Variants in ZNF813 observed in about 807,000 individuals in gnomAD.
ZNF813 encodes the protein zinc finger protein 813.
Under a neutral mutation model 7.2 loss-of-function variants are expected in ZNF813, and 3 were observed. The observed-to-expected ratio is 0.42, with a 90% CI of 0.19 to 1.08. ZNF813 has a LOEUF of 1.08. ZNF813 is among the 50% of genes least tolerant of loss of function. ZNF813 has a pLI of 0.30. For missense variants in ZNF813, 714 were observed against 753.3 expected (o/e 0.95, Z 0.61); for synonymous variants, 227 against 256.3 (o/e 0.89, Z 1.09).
chr19:53,477,323 C>T (rs1271753515), intron 1 of ZNF813, among the ~76,000 whole-genome samples: 5 of 152,154 alleles, frequency 3.3e-5, no homozygotes, highest in African/African-American at 1.2e-4. Context: ...TGAACGCTTG[C>T]AGATGCCCTG....
intron 1 of ZNF813, among the ~76,000 whole-genome samples, chr19:53,471,106 T>C (rs1369430883): frequency 6.6e-6 from 1 of 152,220 alleles, no homozygotes; most frequent in African/African-American, 2.4e-5. Flanking sequence ...TATGTCTATA[T>C]CTCTTTTGTT....
chr19:53,483,731 A>T lies in ZNF813; in HGVS notation c.-73-19A>T. 1 of 1,601,042 alleles carries T rather than the reference A, an allele frequency of 6.2e-7. No individual in the cohort carries two copies. Among genetic ancestry groups the T allele is most frequent in the East Asian group, 2.2e-5 (1 of 44,818 alleles). Reference sequence around the variant, plus strand: ...ATGTGTTGATTCTGAGCAATAAACAACATATTTCTAACATTCAGGATTGAC... The same window carrying T: ...ATGTGTTGATTCTGAGCAATAAACATCATATTTCTAACATTCAGGATTGAC... On this transcript the variant is annotated intron_variant, in intron 1 of 3. Transcript: ENST00000396403.
chr19:53,489,725 G>A (rs1374531045), intron 3 of ZNF813, among the ~76,000 whole-genome samples: 2 of 152,066 alleles, frequency 1.3e-5, no homozygotes, highest in African/African-American at 4.8e-5. Flanking sequence ...TTGAGATTAA[G>A]TCTCACTTTG....
chr19:53,495,845 G>A lies in ZNF813; in HGVS notation c.*3759G>A, dbSNP rs2086485100. Reference sequence around the variant, plus strand: ...AATATGTCAAGCCCCTTCTCTTCCTGTCTCCTCTCGTGGTGTGTACTTGAC... The same window carrying A: ...AATATGTCAAGCCCCTTCTCTTCCTATCTCCTCTCGTGGTGTGTACTTGAC... On this transcript the variant is annotated 3_prime_UTR_variant, in exon 4 of 4. Transcript: ENST00000396403. 3 of 179,606 alleles carry A rather than the reference G, an allele frequency of 1.7e-5. No individual in the cohort carries two copies. Among genetic ancestry groups the A allele is most frequent in the East Asian group, 1.5e-4 (1 of 6,682 alleles). The allele number at this position is 179,606 out of a possible 1,614,324, so 11.1% of individuals were successfully genotyped here.
intron 1 of ZNF813, among the ~76,000 whole-genome samples, chr19:53,469,807 G>A (rs1257096951): frequency 1.5e-5 from 2 of 133,112 alleles, no homozygotes; most frequent in Non-Finnish European, 3.3e-5. Context: ...GGGACAGGGG[G>A]TATAACAGGG....
rs573607443 is a variant in ZNF813, at chr19:53,491,029, C to T, written c.797C>T (p.Thr266Ile). 5.1e-5 allele frequency: 82 copies of T among 1,614,182 alleles called. No individual in the cohort carries two copies. The South Asian group carries it at 8.7e-4, about 17-fold the overall frequency. Residue 266 changes from threonine to isoleucine, a missense_variant, in exon 4 of 4, where the codon ACT becomes ATT. Transcript: ENST00000396403. ...CTAGTGTGCCATCGTAGATGTCACA[C>T]TGGGGAGAAACCTTACAGGTGTAAT... ...RNLVCHRRCHTGEKPYRCNEC... is the reference protein window; with the variant it reads ...RNLVCHRRCHIGEKPYRCNEC...
At position 53,490,748 on chromosome 19, in the gene ZNF813, C is replaced by T. The variant is rs1317182343; in HGVS notation, c.516C>T (p.Ser172=). 2 of 1,614,170 alleles carry T rather than the reference C, an allele frequency of 1.2e-6. No individual in the cohort carries two copies. The highest frequency in any genetic ancestry group is 1.7e-5 in the Admixed American group (1 of 60,024). ...NQVEKSINDA[S]SISTSQRISC... ...TGGAGAAGTCTATCAACGATGCTTC[C>T]TCAATTTCAACATCCCAAAGAATTT... The change falls in exon 4 of 4, where the codon TCC becomes TCT. Residue 172 remains serine, a synonymous_variant. Coordinates refer to ENST00000396403, the MANE Select transcript of ZNF813 (RefSeq NM_001004301.4).
At chr19:53,488,172 G>T (rs1000439146) in intron 3 of ZNF813, 5 of 445,412 alleles carry the variant, frequency 1.1e-5, no homozygotes, top group Non-Finnish European at 1.8e-5. Context: ...TTACAGGCAT[G>T]TGCCACCATG....
chr19:53,490,269 T>G, intron 3 of ZNF813, 106 bp from the exon 4 acceptor site: 5 of 1,287,966 alleles, frequency 3.9e-6, no homozygotes, highest in Non-Finnish European at 5.3e-6. Flanking sequence ...TTGAAGATCA[T>G]GTTGGGGAAG....
Position 53,495,467 on chromosome 19 carries a change from C to T in ZNF813, c.*3381C>T, listed in dbSNP as rs190831816. The T allele has an allele frequency of 2.0e-5, 3 of 152,128 alleles. No homozygotes were observed. Among genetic ancestry groups the T allele is most frequent in the Admixed American group, 2.0e-4 (3 of 15,266 alleles). 9.4% of individuals were successfully genotyped at this position (152,128 alleles called of 1,614,324 possible). ...TTGAACTCCTGACCTCACGATCTGC[C>T]CACCTCAGCCTCCCAAAGTGTGGAG... On this transcript the variant is annotated 3_prime_UTR_variant, in exon 4 of 4. Coordinates refer to ENST00000396403, the MANE Select transcript of ZNF813 (RefSeq NM_001004301.4).
At position 53,494,489 on chromosome 19, in the gene ZNF813, C is replaced by A. The variant is rs900939945; in HGVS notation, c.*2403C>A. 1 of 151,862 alleles carries A rather than the reference C, an allele frequency of 6.6e-6. No homozygotes were observed. Among genetic ancestry groups the A allele is most frequent in the Non-Finnish European group, 1.5e-5 (1 of 68,002 alleles). The allele number at this position is 151,862 out of a possible 1,614,324, so 9.4% of individuals were successfully genotyped here. On this transcript the variant is annotated 3_prime_UTR_variant, in exon 4 of 4. Coordinates refer to ENST00000396403, the MANE Select transcript of ZNF813 (RefSeq NM_001004301.4). The stretch of plus-strand genomic sequence containing the variant: ...AGAAACAGCATCTCTACTAAAAATA[C>A]AAAATTAGCCAGGCATGGTGGCAAA...
intron 1 of ZNF813, chr19:53,480,145 G>A: frequency 2.6e-6 from 2 of 760,718 alleles, no homozygotes; most frequent in Non-Finnish European, 4.8e-6. Flanking sequence ...GACTCCGCCT[G>A]AGGCCAGCCT....
chr19:53,491,326 G>A lies in ZNF813; in HGVS notation c.1094G>A (p.Ser365Asn), dbSNP rs2086460379. 1.2e-6 allele frequency: 2 copies of A among 1,613,468 alleles called. No homozygotes were observed. The highest frequency in any genetic ancestry group is 4.5e-5 in the East Asian group (2 of 44,844). Reference sequence around the variant, plus strand: ...TGTAATGAGTGTGGCAAGACCTTTAGTCGGAAGTCATCCCTTACATGCCAT... The same window carrying A: ...TGTAATGAGTGTGGCAAGACCTTTAATCGGAAGTCATCCCTTACATGCCAT... ...FKCNECGKTF[S>N]RKSSLTCHHR... The change falls in exon 4 of 4, where the codon AGT becomes AAT. Residue 365 changes from serine to asparagine, a missense_variant. Physicochemically the swap from Ser to Asn is conservative, Grantham distance 46. This residue lies in a region of ZNF813 where 563 missense variants were observed against 554.2 expected (regional missense o/e 1.02). Transcript: ENST00000396403.
intron 2 of ZNF813, among the ~76,000 whole-genome samples, chr19:53,484,095 GT>G (rs1315328642): frequency 2.0e-5 from 3 of 152,038 alleles, no homozygotes; most frequent in African/African-American, 7.2e-5. Context: ...CGGGGTGAGG[GT>G]CCCATGGTGT....
rs190823491 is a variant in ZNF813, at chr19:53,479,258, T to A, written c.-73-4492T>A. 28 of 1,310,986 alleles carry A rather than the reference T, an allele frequency of 2.1e-5. No individual in the cohort carries two copies. The African/African-American group carries it at 2.8e-4, about 13-fold the overall frequency. 81.2% of individuals were successfully genotyped at this position (1,310,986 alleles called of 1,614,324 possible). ...CTGAGATAAATCTTAGTTTTCAAAA[T>A]TTCTCTTTTAATACATAATCATGGA... On this transcript the variant is annotated intron_variant, in intron 1 of 3. Coordinates refer to ENST00000396403, the MANE Select transcript of ZNF813 (RefSeq NM_001004301.4).
chr19:53,483,251 G>A (rs895814273), intron 1 of ZNF813, among the ~76,000 whole-genome samples: 3 of 152,108 alleles, frequency 2.0e-5, no homozygotes, highest in Non-Finnish European at 4.4e-5. Context: ...TCACCATGTT[G>A]GCCAGGCTGG....
At chr19:53,479,794 A>G (rs2617686) in intron 1 of ZNF813, 788,725 of 1,179,312 alleles carry the variant, frequency 0.67, 263,898 homozygotes, top group African/African-American at 0.81. Flanking sequence ...CTGAGCTGGC[A>G]GAGTCCCGTT....
chr19:53,471,374 C>T (rs528151067), intron 1 of ZNF813, among the ~76,000 whole-genome samples: 1 of 152,124 alleles, frequency 6.6e-6, no homozygotes, highest in Non-Finnish European at 1.5e-5. Context: ...GATCTGGAGT[C>T]ATCTTTGCCT....
intron 1 of ZNF813, among the ~76,000 whole-genome samples, chr19:53,471,891 T>C (rs890609665): frequency 6.6e-6 from 1 of 152,010 alleles, no homozygotes; most frequent in Non-Finnish European, 1.5e-5. Flanking sequence ...ACATTAACTC[T>C]TTTGCTTCTT....
Sources: gnomAD v4.1 joint callset for allele counts (sites outside exome capture counted in the v4.1 genomes callset) on GRCh38, gnomAD v4.1.1 for gene constraint, gnomAD v4.1.1 regional missense constraint, MANE v1.5 for transcripts, NCBI Gene and HGNC (gene_info 2026-07-23, HGNC 2026-07-21) for gene names.